The following PALM2AKAP2 variants were observed in gnomAD, a reference collection of about 807,000 sequenced individuals.
PALM2AKAP2 encodes the protein PALM2 and AKAP2 fusion.
Under a neutral mutation model 71.5 loss-of-function variants are expected in PALM2AKAP2, and 37 were observed. The ratio of observed to expected loss-of-function variants is 0.52; its 90% confidence interval spans 0.40 to 0.68. The LOEUF is 0.68. PALM2AKAP2 is among the 30% of genes least tolerant of loss of function. The pLI, the probability that PALM2AKAP2 is intolerant of heterozygous loss-of-function variation, is 0.00. For synonymous variants in PALM2AKAP2, 468 were observed against 478.8 expected (o/e 0.98, Z 0.29); for missense variants, 1,224 against 1,191.8 (o/e 1.03, Z -0.40).
chr9:109,775,736 C>A (rs1217658409), upstream of PALM2AKAP2, among the ~76,000 whole-genome samples: 3 of 152,238 alleles, frequency 2.0e-5, no homozygotes, highest in Non-Finnish European at 2.9e-5. Context: ...CTGACTTTTA[C>A]TCACACAACG....
chr9:109,756,467 G>T (rs1008517312), intron 1 of PALM2AKAP2, among the ~76,000 whole-genome samples: 1 of 152,102 alleles, frequency 6.6e-6, no homozygotes, highest in South Asian at 2.1e-4. Context: ...TTTGCCTTTT[G>T]ATTTTGATTG....
rs188386268 is a variant in PALM2AKAP2 at position 109,794,661 on chromosome 9, C to T, written c.45+14128C>T. On this transcript the variant is annotated intron_variant, in intron 1 of 9. Coordinates refer to the PALM2AKAP2 transcript ENST00000302798. ...AAAAGTTGCCCATGGCCAGTGGTAGCAGGATCGACCCTAGTGTCTCTGAAT... is the reference window on the plus strand; with the variant it reads ...AAAAGTTGCCCATGGCCAGTGGTAGTAGGATCGACCCTAGTGTCTCTGAAT... Among the ~76,000 whole-genome samples the T allele has an allele frequency of 4.0e-3, 607 of 152,276 alleles. 4 individuals carry two copies. Among genetic ancestry groups the T allele is most frequent in the African/African-American group, 0.014 (576 of 41,552 alleles).
chr9:109,815,921 G>A (rs1209623719), intron 1 of PALM2AKAP2, among the ~76,000 whole-genome samples: 1 of 152,184 alleles, frequency 6.6e-6, no homozygotes, highest in Non-Finnish European at 1.5e-5. Flanking sequence ...GTGAGTGGAG[G>A]ATAAATGATG....
chr9:109,905,813 A>G (rs1252234369), intron 3 of PALM2AKAP2, among the ~76,000 whole-genome samples: 2 of 152,166 alleles, frequency 1.3e-5, no homozygotes, highest in African/African-American at 2.4e-5. Context: ...ACACGTTACC[A>G]TAAATGATCA....
At chr9:110,046,019 C>T (rs765939933), upstream of PALM2AKAP2, among the ~76,000 whole-genome samples, 1 of 152,294 alleles carries the variant, frequency 6.6e-6, no homozygotes, top group African/African-American at 2.4e-5. Flanking sequence ...CCAGTAGCAA[C>T]CCCCCTAATC....
chr9:109,650,997 T>C (rs1827217484), intron 1 of PALM2AKAP2, among the ~76,000 whole-genome samples: 1 of 152,198 alleles, frequency 6.6e-6, no homozygotes, highest in Non-Finnish European at 1.5e-5. Flanking sequence ...GCAGTAGAAG[T>C]ATTTTGGAAA....
chr9:109,818,940 G>T (rs1016429684), intron 1 of PALM2AKAP2, among the ~76,000 whole-genome samples: 2 of 152,098 alleles, frequency 1.3e-5, no homozygotes, highest in African/African-American at 4.8e-5. Context: ...TGACCATGTA[G>T]GTTACAAGTT....
chr9:109,850,445 G>A lies in PALM2AKAP2; in HGVS notation c.46-17046G>A, dbSNP rs538623420. ...GTTCTGAGATCCAACCCCCAACTTC[G>A]TCCCTTTTGACCTAGTTTATCACCC... On this transcript the variant is annotated intron_variant, in intron 1 of 9. Transcript: ENST00000302798. Among the ~76,000 whole-genome samples the A allele has an allele frequency of 8.5e-5, 13 of 152,090 alleles. No individual in the cohort carries two copies. In the South Asian group the frequency reaches 2.5e-3, roughly 29 times the overall value.
chr9:109,922,323 G>A (rs918255020), intron 3 of PALM2AKAP2, among the ~76,000 whole-genome samples: 4 of 148,900 alleles, frequency 2.7e-5, no homozygotes, highest in Non-Finnish European at 5.9e-5. Flanking sequence ...TTGGGAAGCT[G>A]AGGTGGGAGG....
intron 1 of PALM2AKAP2, among the ~76,000 whole-genome samples, chr9:109,732,390 G>C (rs1302511779): frequency 6.6e-6 from 1 of 152,148 alleles, no homozygotes; most frequent in African/African-American, 2.4e-5. Flanking sequence ...CCATGACAAG[G>C]TTCCTGTGAT....
At chr9:109,921,734 GA>G (rs1408216558) in intron 3 of PALM2AKAP2, among the ~76,000 whole-genome samples, 1 of 152,118 alleles carries the variant, frequency 6.6e-6, no homozygotes, top group Non-Finnish European at 1.5e-5. Flanking sequence ...GGCTCTATTT[GA>G]CTAATGCATG....
intron 1 of PALM2AKAP2, among the ~76,000 whole-genome samples, chr9:110,062,297 T>C (rs1833982422): frequency 1.3e-5 from 2 of 152,022 alleles, no homozygotes; most frequent in Admixed American, 6.6e-5. Flanking sequence ...CCTGTGTCCA[T>C]GTATACTCAT....
At chr9:110,088,710 T>TTG (rs1564297924) in intron 1 of PALM2AKAP2, among the ~76,000 whole-genome samples, 4 of 80,406 alleles carry the variant, frequency 5.0e-5, no homozygotes, top group Admixed American at 1.2e-4. Flanking sequence ...CGTGTTTTTT[T>TTG]TTTTTTTTTT....
chr9:109,898,613 C>A (rs1429261984), intron 3 of PALM2AKAP2, among the ~76,000 whole-genome samples: 1 of 152,158 alleles, frequency 6.6e-6, no homozygotes, highest in Non-Finnish European at 1.5e-5. Context: ...CATTAGGAGT[C>A]TCGATAAAAA....
chr9:109,915,239 A>T (rs945667260), intron 3 of PALM2AKAP2, among the ~76,000 whole-genome samples: 7 of 152,190 alleles, frequency 4.6e-5, no homozygotes, highest in African/African-American at 1.7e-4. Context: ...CCCAAGAGGG[A>T]TTGGCTTGCC....
intron 6 of PALM2AKAP2, among the ~76,000 whole-genome samples, chr9:109,967,875 A>G (rs114237609): frequency 0.01 from 1,572 of 152,328 alleles, 32 homozygotes; most frequent in African/African-American, 0.036. Flanking sequence ...TTGGGGTACC[A>G]TGAAGACCAC....
At chr9:110,139,785 A>G (rs1409285135) in intron 2 of PALM2AKAP2, among the ~76,000 whole-genome samples, 2 of 152,228 alleles carry the variant, frequency 1.3e-5, no homozygotes, top group Non-Finnish European at 2.9e-5. Context: ...ATTTGAGAGT[A>G]AATTGCCAAC....
intron 1 of PALM2AKAP2, among the ~76,000 whole-genome samples, chr9:109,833,030 C>T (rs1055890568): frequency 2.0e-5 from 3 of 152,156 alleles, no homozygotes; most frequent in Non-Finnish European, 2.9e-5. Context: ...CTAGTCCATC[C>T]CACTGAGGAC....
At chr9:110,014,775 G>A (rs1832941901) in intron 6 of PALM2AKAP2, among the ~76,000 whole-genome samples, 1 of 56,804 alleles carries the variant, frequency 1.8e-5, no homozygotes, top group African/African-American at 7.1e-5. Flanking sequence ...TCTGTCCTCT[G>A]TCTCAAAAAA....
Sources: gnomAD v4.1 joint callset for allele counts (sites outside exome capture counted in the v4.1 genomes callset) on GRCh38, gnomAD v4.1.1 for gene constraint, MANE v1.5 for transcripts, NCBI Gene and HGNC (gene_info 2026-07-23, HGNC 2026-07-21) for gene names.